Variants in SPATA33 observed in about 807,000 individuals in gnomAD.
SPATA33 encodes the protein spermatogenesis associated 33.
Under a neutral mutation model 8.9 loss-of-function variants are expected in SPATA33, and 10 were observed. That is an observed-to-expected ratio of 1.12 (90% CI 0.69 to 1.90). The LOEUF (loss-of-function observed/expected upper bound fraction) is 1.90. Ranked by LOEUF, SPATA33 falls within the 40% of genes most tolerant of loss-of-function variation. The probability of loss-of-function intolerance (pLI) is 0.00; values close to 1 mark genes in which losing one functional copy is unlikely to be tolerated. For synonymous variants in SPATA33, 96 were observed against 72.8 expected (o/e 1.32, Z -1.63); for missense variants, 241 against 178.3 (o/e 1.35, Z -2.00).
At position 89,669,278 on chromosome 16, in the gene SPATA33, T is replaced by G; in HGVS notation, c.212-8T>G. 1 of 1,614,034 alleles carries G rather than the reference T, an allele frequency of 6.2e-7. No individual in the cohort carries two copies. Among genetic ancestry groups the G allele is most frequent in the Non-Finnish European group, 8.5e-7 (1 of 1,179,892 alleles). On this transcript the variant is annotated splice_region_variant and splice_polypyrimidine_tract_variant and intron_variant, in intron 2 of 2. Coordinates refer to ENST00000579310, the MANE Select transcript of SPATA33 (RefSeq NM_001271907.2). The stretch of plus-strand genomic sequence containing the variant: ...ATCTACTAAATGCCTGGATGTTTTT[T>G]CCTCTAGAGAAACCTGATGTAAAGC...
Position 89,658,258 on chromosome 16 carries a change from AAAG to A in SPATA33, c.52_54del (p.Lys18del). ...ATCCATATATTTCAGGTGAGGAGCAAAAGAAGGGATCCACCTATTCAGTTCCAA... is the reference window on the plus strand; with the variant it reads ...ATCCATATATTTCAGGTGAGGAGCAAAAGGGATCCACCTATTCAGTTCCAA... On this transcript the variant is annotated inframe_deletion, in exon 2 of 3. Coordinates refer to ENST00000579310, the MANE Select transcript of SPATA33 (RefSeq NM_001271907.2). 2 of 1,614,154 alleles carry A rather than the reference AAAG, an allele frequency of 1.2e-6. No individual in the cohort carries two copies. Among genetic ancestry groups the A allele is most frequent in the Non-Finnish European group, 1.7e-6 (2 of 1,180,012 alleles).
intron 2 of SPATA33, among the ~76,000 whole-genome samples, chr16:89,667,182 G>A (rs954579526): frequency 3.3e-5 from 5 of 152,132 alleles, no homozygotes; most frequent in Admixed American, 1.3e-4. Flanking sequence ...GGCAACGGGC[G>A]TCCTACCAGA....
chr16:89,663,601 A>G (rs754075566), intron 2 of SPATA33, among the ~76,000 whole-genome samples: 2 of 151,884 alleles, frequency 1.3e-5, no homozygotes, highest in South Asian at 2.1e-4. Flanking sequence ...GGGAGGACAG[A>G]TTGTTGATTG....
chr16:89,658,507 CG>C, intron 2 of SPATA33, 86 bp downstream of exon 2: 1 of 1,484,764 alleles, frequency 6.7e-7, no homozygotes, highest in Non-Finnish European at 9.0e-7. Flanking sequence ...AAGACCCTAC[CG>C]GATGGACACT....
Position 89,658,354 on chromosome 16 carries a change from G to T in SPATA33, c.144G>T (p.Lys48Asn). 6.2e-7 allele frequency: 1 copy of T among 1,613,798 alleles called. No individual in the cohort carries two copies. The highest frequency in any genetic ancestry group is 1.1e-5 in the South Asian group (1 of 91,082). Residue 48 changes from lysine (K) to asparagine (N), a missense_variant, in exon 2 of 3, where the codon AAG (lysine) becomes AAT (asparagine). Coordinates refer to ENST00000579310, the MANE Select transcript of SPATA33 (RefSeq NM_001271907.2). The part of the protein sequence containing the change: ...EARQADRESE[K>N]PVDSLHPGAG... ...GGCAGGCAGACAGGGAGTCGGAGAA[G>T]CCTGTGGACAGCCTCCACCCGGGGG... is the stretch of plus-strand genomic sequence containing the variant.
rs574253442 is a variant in SPATA33, at chr16:89,669,442, G to A, written c.368G>A (p.Arg123Gln). 45 of 1,613,848 alleles carry A rather than the reference G, an allele frequency of 2.8e-5. No individual in the cohort carries two copies. The East Asian group carries it at 3.8e-4, about 14-fold the overall frequency. ...GAGCCGGAGGACTGGGGCCCCTACC[G>A]GCGGCACAGGAACCCCAGTACAGCA... The part of the protein sequence containing the change: ...IREPEDWGPY[R>Q]RHRNPSTADA... The change falls in exon 3 of 3, where the codon CGG (arginine) becomes CAG (glutamine). Residue 123 changes from arginine to glutamine, a missense_variant. Physicochemically the swap from Arg to Gln is conservative, Grantham distance 43 (BLOSUM62 1). Transcript: ENST00000579310.
At chr16:89,658,129 C>G in intron 1 of SPATA33, 119 bp from the exon 2 acceptor site, 48 of 1,526,528 alleles carry the variant, frequency 3.1e-5, no homozygotes, top group Non-Finnish European at 3.9e-5. Context: ...TACGGAAACG[C>G]GGAGACTCGA....
intron 2 of SPATA33, among the ~76,000 whole-genome samples, chr16:89,663,906 C>T (rs258328): frequency 0.34 from 51,765 of 152,008 alleles, 10,462 homozygotes; most frequent in Middle Eastern, 0.62. Flanking sequence ...ATCACTTGAG[C>T]CCAGAAGTTC....
rs533191161 is a variant in SPATA33, at chr16:89,657,853, C to T, written c.-59C>T. 1.7e-5 allele frequency: 25 copies of T among 1,509,472 alleles called. No individual in the cohort carries two copies. In the South Asian group the frequency reaches 2.2e-4, roughly 13 times the overall value. 93.5% of individuals were successfully genotyped at this position (1,509,472 alleles called of 1,614,324 possible). The stretch of plus-strand genomic sequence containing the variant: ...GACCTTTTGTGAGTCGCTCCCGGCT[C>T]CGCGGCCGCGGAGGTGTGGGGACCC... On this transcript the variant is annotated 5_prime_UTR_variant, in exon 1 of 3. Coordinates refer to ENST00000579310, the MANE Select transcript of SPATA33 (RefSeq NM_001271907.2).
At chr16:89,658,038 G>A in intron 1 of SPATA33, 90 bp downstream of exon 1, 1 of 1,457,362 alleles carries the variant, frequency 6.9e-7, no homozygotes, top group Non-Finnish European at 8.9e-7. Flanking sequence ...CGGTGTGAGC[G>A]CAGGCGCCAG....
intron 2 of SPATA33, chr16:89,660,544 G>A (rs989461080): frequency 1.2e-5 from 15 of 1,231,828 alleles, no homozygotes; most frequent in East Asian, 3.2e-5. Context: ...ATGCAGTGAC[G>A]GGCTGAGCGA....
At chr16:89,660,735 C>T in intron 2 of SPATA33, 1 of 767,804 alleles carries the variant, frequency 1.3e-6, no homozygotes, top group Non-Finnish European at 1.8e-6. Context: ...GAAATGGGAG[C>T]CGGCCACAGC....
At chr16:89,667,738 A>G (rs1417876127) in intron 2 of SPATA33, among the ~76,000 whole-genome samples, 2 of 152,374 alleles carry the variant, frequency 1.3e-5, no homozygotes, top group South Asian at 2.1e-4. Context: ...AGATGAGGCT[A>G]TGTAACGCAG....
chr16:89,666,010 G>A (rs902191920), intron 2 of SPATA33, among the ~76,000 whole-genome samples: 1 of 152,162 alleles, frequency 6.6e-6, no homozygotes, highest in Non-Finnish European at 1.5e-5. Flanking sequence ...GAACCTGGGA[G>A]GTAGAGGTTG....
chr16:89,658,039 C>G, intron 1 of SPATA33, 91 bp downstream of exon 1: 5 of 1,457,336 alleles, frequency 3.4e-6, no homozygotes, highest in Non-Finnish European at 4.5e-6. Flanking sequence ...GGTGTGAGCG[C>G]AGGCGCCAGG....
At chr16:89,662,869 T>C (rs2059981432) in intron 2 of SPATA33, among the ~76,000 whole-genome samples, 1 of 151,752 alleles carries the variant, frequency 6.6e-6, no homozygotes, top group Non-Finnish European at 1.5e-5. Flanking sequence ...TCTTGGCTCA[T>C]TGTGACTTCC....
At chr16:89,658,112 A>G (rs2059907085) in intron 1 of SPATA33, 136 bp from the exon 2 acceptor site, 4 of 1,504,284 alleles carry the variant, frequency 2.7e-6, no homozygotes, top group African/African-American at 2.8e-5. Flanking sequence ...TTCCCGCCTG[A>G]GGCGGTTACG....
In SPATA33 at chr16:89,658,320, A is replaced by G. The variant is rs767010183; in HGVS notation, c.110A>G (p.Gln37Arg). Reference sequence around the variant, plus strand: ...GAGAAGTTGATGGAGAAGCATTCCCAGGAAGCCAGGCAGGCAGACAGGGAG... The same window carrying G: ...GAGAAGTTGATGGAGAAGCATTCCCGGGAAGCCAGGCAGGCAGACAGGGAG... ...SKEKLMEKHSQEARQADRESE... is the reference protein window; with the variant it reads ...SKEKLMEKHSREARQADRESE... Residue 37 changes from glutamine to arginine, a missense_variant, in exon 2 of 3, where the codon CAG (glutamine) becomes CGG (arginine). By Grantham distance (43) the Gln-to-Arg change is conservative (BLOSUM62 1). Coordinates refer to ENST00000579310, the MANE Select transcript of SPATA33 (RefSeq NM_001271907.2). 4.3e-6 allele frequency: 7 copies of G among 1,614,142 alleles called. No individual in the cohort carries two copies. In the South Asian group the frequency reaches 6.6e-5, roughly 15 times the overall value.
At position 89,667,471 on chromosome 16, in the gene SPATA33, G is replaced by A. The variant is rs1015674603; in HGVS notation, c.212-1815G>A. On this transcript the variant is annotated intron_variant, in intron 2 of 2. Transcript: ENST00000579310. Reference sequence around the variant, plus strand: ...TTATTTTATATATTTTATTACACTGGAACAGCTCGTGCCCTCGGTCTCTTG... The same window carrying A: ...TTATTTTATATATTTTATTACACTGAAACAGCTCGTGCCCTCGGTCTCTTG... 2.6e-5 allele frequency among the ~76,000 whole-genome samples: 4 copies of A among 151,994 alleles called. No homozygotes were observed. The South Asian group carries it at 8.3e-4, about 32-fold the overall frequency.
Sources: gnomAD v4.1 joint callset for allele counts (sites outside exome capture counted in the v4.1 genomes callset) on GRCh38, gnomAD v4.1.1 for gene constraint, MANE v1.5 for transcripts, NCBI Gene and HGNC (gene_info 2026-07-23, HGNC 2026-07-21) for gene names.